The following IKZF4 variants were observed in gnomAD, a reference collection of about 807,000 sequenced individuals.
The protein encoded by IKZF4 is zinc finger protein Eos.
A neutral mutation model predicts 47.7 loss-of-function variants in IKZF4; 11 were observed. The ratio of observed to expected loss-of-function variants is 0.23; its 90% CI spans 0.15 to 0.38. IKZF4 has a LOEUF of 0.38. Among genes scored for constraint, IKZF4 ranks in the 10% least tolerant of loss-of-function variants. The probability of loss-of-function intolerance (pLI) is 1.00; values close to 1 mark genes in which losing one functional copy is unlikely to be tolerated. For synonymous variants in IKZF4, 298 were observed against 299.4 expected (o/e 1.00, Z 0.05); for missense variants, 557 against 784.9 (o/e 0.71, Z 3.47).
At chr12:56,016,736 A>G (rs1892129555), upstream of IKZF4, among the ~76,000 whole-genome samples, 1 of 151,938 alleles carries the variant, frequency 6.6e-6, no homozygotes, top group African/African-American at 2.4e-5. Context: ...AGCTGGGATT[A>G]CAGGCATGCG....
upstream of IKZF4, among the ~76,000 whole-genome samples, chr12:56,019,041 C>A (rs949433386): frequency 1.3e-5 from 2 of 151,528 alleles, no homozygotes; most frequent in Admixed American, 6.6e-5. Flanking sequence ...CATGGTGAAG[C>A]CTCATATCTA....
intron 5 of IKZF4, among the ~76,000 whole-genome samples, chr12:56,028,290 CCAAGATGGGCGGAT>C (rs1894348605): frequency 6.6e-6 from 1 of 151,828 alleles, no homozygotes; most frequent in Non-Finnish European, 1.5e-5. Flanking sequence ...CTTTGGGAGG[CCAAGATGGGCGGAT>C]CACGAGGTCA....
chr12:56,029,303 G>C (rs1894545214), intron 5 of IKZF4, among the ~76,000 whole-genome samples: 1 of 152,220 alleles, frequency 6.6e-6, no homozygotes, highest in South Asian at 2.1e-4. Context: ...ATCAGTATCT[G>C]TCTGAATCAG....
chr12:56,036,986 C>A lies in IKZF4; in HGVS notation c.*1655C>A. ...CCTTCTCTCTCTCCTTTTCTCTTCC[C>A]TTCCTTCCCCTTCCATCTTTCTTTC... On this transcript the variant is annotated 3_prime_UTR_variant, in exon 8 of 8. Transcript: ENST00000547167. 6.6e-6 allele frequency: 1 copy of A among 152,276 alleles called. No individual in the cohort carries two copies. 9.4% of individuals were successfully genotyped at this position (152,276 alleles called of 1,614,324 possible). A position where few individuals can be genotyped will look rare whatever the true frequency, so the allele number is the denominator to read the frequency against.
chr12:56,021,720 G>GTC (rs1893032516), intron 1 of IKZF4, 140 bp downstream of exon 1: 1 of 1,227,698 alleles, frequency 8.1e-7, no homozygotes, highest in South Asian at 1.5e-5. Context: ...GTGTGTGTGT[G>GTC]TGTGTGTGTG....
intron 2 of IKZF4, chr12:56,011,761 C>T (rs1891347541): frequency 6.6e-6 from 1 of 152,154 alleles, no homozygotes; most frequent in African/African-American, 2.4e-5. Context: ...CTTCAGAGAG[C>T]ACTAGGTTGA....
intron 3 of IKZF4, among the ~76,000 whole-genome samples, chr12:56,025,778 C>G (rs1893871435): frequency 1.3e-5 from 2 of 152,044 alleles, no homozygotes; most frequent in Admixed American, 6.6e-5. Context: ...GCCTGTTGTC[C>G]CCCTTCAGTC....
At chr12:56,021,748 T>G in intron 1 of IKZF4, 168 bp downstream of exon 1, 1 of 997,990 alleles carries the variant, frequency 1.0e-6, no homozygotes. Flanking sequence ...GGAGGGGGCG[T>G]TCCTCCTTAT....
chr12:56,032,471 T>C (rs1895046161), intron 5 of IKZF4, 90 bp from the exon 6 acceptor site: 3 of 1,296,706 alleles, frequency 2.3e-6, no homozygotes, highest in South Asian at 3.0e-5. Flanking sequence ...TTCCTTCCCA[T>C]GCCAGTGTAT....
Position 56,035,374 on chromosome 12 carries a change from A to C in IKZF4, c.*43A>C, listed in dbSNP as rs897498025. 6.4e-7 allele frequency: 1 copy of C among 1,566,166 alleles called. No individual in the cohort carries two copies. The highest frequency in any genetic ancestry group is 1.4e-5 in the African/African-American group (1 of 73,818). Reference sequence around the variant, plus strand: ...CTCAGTCCACCACTCCACTGCCCTGACTACAGGCATTGATCCCTGTCCCCA... The same window carrying C: ...CTCAGTCCACCACTCCACTGCCCTGCCTACAGGCATTGATCCCTGTCCCCA... On this transcript the variant is annotated 3_prime_UTR_variant, in exon 8 of 8. Coordinates refer to ENST00000547167, the MANE Select transcript of IKZF4 (RefSeq NM_022465.4). This position sits in a 1 kb window ranked among gnomAD's most constrained non-coding sequence, Gnocchi z 6.1.
rs1371439791 is a variant in IKZF4 at position 56,034,807 on chromosome 12, C to T, written c.1234C>T (p.Arg412Ter). ...VYTQMQPLPG[R>*]LELPGSREAG... ...CACCCAGATGCAGCCCCTCCCTGGT[C>T]GACTGGAGCTTCCAGGATCCCGAGA... The change falls in exon 8 of 8, where the codon CGA becomes TGA. Residue 412 changes from arginine (R) to a stop codon, truncating the protein, a stop_gained. Transcript: ENST00000547167. LOFTEE classifies it high-confidence loss of function. 2 of 1,613,886 alleles carry T rather than the reference C, an allele frequency of 1.2e-6. No individual in the cohort carries two copies. Among genetic ancestry groups the T allele is most frequent in the African/African-American group, 1.3e-5 (1 of 74,922 alleles).
In IKZF4 at chr12:56,011,967, G is replaced by C. The variant is rs140005249; in HGVS notation, c.-214+473G>C. Reference sequence around the variant, plus strand: ...CATATTTTTGCTCAGATTTCACTCAGTTCAGGAAGGCATAGACAGTAGAGG... The same window carrying C: ...CATATTTTTGCTCAGATTTCACTCACTTCAGGAAGGCATAGACAGTAGAGG... On this transcript the variant is annotated intron_variant, in intron 2 of 11. Coordinates refer to the IKZF4 transcript ENST00000262032. 1.5e-4 allele frequency among the ~76,000 whole-genome samples: 23 copies of C among 152,226 alleles called. No homozygotes were observed. The South Asian group carries it at 3.5e-3, about 23-fold the overall frequency.
chr12:56,014,968 CCTCAGTTTCT>C (rs964231591), intron 2 of IKZF4, among the ~76,000 whole-genome samples: 4 of 152,218 alleles, frequency 2.6e-5, no homozygotes, highest in Middle Eastern at 6.8e-3. Context: ...CTGCTCTCAG[CCTCAGTTTCT>C]CTCAGTTTCT....
intron 1 of IKZF4, among the ~76,000 whole-genome samples, chr12:56,009,799 C>T (rs1178670074): frequency 6.6e-6 from 1 of 152,166 alleles, no homozygotes; most frequent in African/African-American, 2.4e-5. Context: ...AATCCCCTTC[C>T]TCTGAGTAGG....
chr12:56,016,372 G>A (rs527552732), upstream of IKZF4, among the ~76,000 whole-genome samples: 18 of 150,036 alleles, frequency 1.2e-4, no homozygotes, highest in Non-Finnish European at 1.8e-4. Context: ...GCCTCAGGGC[G>A]TTTAGTTTTC....
intron 5 of IKZF4, chr12:56,029,679 G>A (rs1894594159): frequency 6.6e-6 from 1 of 152,170 alleles, no homozygotes; most frequent in African/African-American, 2.4e-5. Context: ...TATCTACAGA[G>A]CATTTCACTT....
chr12:56,015,951 C>T (rs527827027), intron 2 of IKZF4, among the ~76,000 whole-genome samples: 1 of 152,122 alleles, frequency 6.6e-6, no homozygotes, highest in Non-Finnish European at 1.5e-5. Context: ...AAAGTTCAGT[C>T]CATCCCAGGA....
chr12:56,032,477 T>G, intron 5 of IKZF4, 84 bp from the exon 6 acceptor site: 1 of 1,350,870 alleles, frequency 7.4e-7, no homozygotes. Context: ...CCCATGCCAG[T>G]GTATACTTGC....
chr12:56,030,757 A>C (rs1444398722), intron 5 of IKZF4, among the ~76,000 whole-genome samples: 1 of 151,812 alleles, frequency 6.6e-6, no homozygotes, highest in African/African-American at 2.4e-5. Context: ...AGAGAGTAGA[A>C]CAGTGGTTAC....
Sources: gnomAD v4.1 joint callset for allele counts (sites outside exome capture counted in the v4.1 genomes callset) on GRCh38, gnomAD v4.1.1 for gene constraint, Gnocchi (gnomAD v3.1) non-coding constraint, MANE v1.5 for transcripts, NCBI Gene and HGNC (gene_info 2026-07-23, HGNC 2026-07-21) for gene names.